Variants in TMIGD3 observed in about 807,000 individuals in gnomAD.
The protein encoded by TMIGD3 is AD026 protein (AD026).
A neutral mutation model predicts 28.1 loss-of-function variants in TMIGD3; 21 were observed. The ratio of observed to expected loss-of-function variants is 0.75; its 90% CI spans 0.53 to 1.08. The LOEUF (loss-of-function observed/expected upper bound fraction) is 1.08, where lower values mean the gene tolerates loss of function less well. Ranked by LOEUF, TMIGD3 falls within the 50% of genes least tolerant of loss-of-function variation. TMIGD3 has a pLI of 0.00. For synonymous variants in TMIGD3, 151 were observed against 162.1 expected, an observed-to-expected ratio of 0.93 and a Z score of 0.52; for missense variants, 416 against 435.6, an observed-to-expected ratio of 0.96 and a Z score of 0.40.
intron 1 of TMIGD3, chr1:111,500,033 T>C (rs1434703807): frequency 6.2e-7 from 1 of 1,614,200 alleles, no homozygotes; most frequent in Non-Finnish European, 8.5e-7. Flanking sequence ...AAAAGGTAGG[T>C]TTCCTTGAAC....
At chr1:111,525,963 T>C (rs1389982277) in intron 1 of TMIGD3, among the ~76,000 whole-genome samples, 1 of 152,252 alleles carries the variant, frequency 6.6e-6, no homozygotes, top group African/African-American at 2.4e-5. Flanking sequence ...GCCTTTTAAT[T>C]AGATTTAATG....
intron 1 of TMIGD3, among the ~76,000 whole-genome samples, chr1:111,535,302 A>G (rs574230768): frequency 2.7e-4 from 41 of 152,360 alleles, no homozygotes; most frequent in African/African-American, 9.4e-4. Context: ...TTGAAAGAGA[A>G]ATCACAGAAA....
intron 1 of TMIGD3, among the ~76,000 whole-genome samples, chr1:111,492,762 C>T (rs995649547): frequency 2.0e-5 from 3 of 149,378 alleles, no homozygotes; most frequent in East Asian, 2.0e-4. Flanking sequence ...TGCAGTAAGC[C>T]GAGATCACGC....
chr1:111,539,712 C>T (rs1292449979), intron 1 of TMIGD3, among the ~76,000 whole-genome samples: 1 of 152,174 alleles, frequency 6.6e-6, no homozygotes, highest in Non-Finnish European at 1.5e-5. Context: ...TCAATCATAA[C>T]TTTCTGGAGA....
At chr1:111,499,541 G>T in intron 1 of TMIGD3, 2 of 1,005,080 alleles carry the variant, frequency 2.0e-6, no homozygotes, top group Non-Finnish European at 2.4e-6. Context: ...GGCATCCTCC[G>T]AGAGCAGGTT....
At chr1:111,508,965 G>A (rs1217133903) in intron 1 of TMIGD3, among the ~76,000 whole-genome samples, 2 of 152,206 alleles carry the variant, frequency 1.3e-5, no homozygotes, top group African/African-American at 2.4e-5. Context: ...CGTGGTGGCG[G>A]GCGCCTGTAA....
chr1:111,531,576 T>G (rs760935898), intron 1 of TMIGD3, among the ~76,000 whole-genome samples: 11 of 152,228 alleles, frequency 7.2e-5, no homozygotes, highest in Non-Finnish European at 1.3e-4. Flanking sequence ...TGGGTCTGCT[T>G]CTTTTTATTT....
intron 1 of TMIGD3, among the ~76,000 whole-genome samples, chr1:111,512,709 G>A (rs1271808472): frequency 2.0e-5 from 3 of 152,306 alleles, no homozygotes; most frequent in Non-Finnish European, 4.4e-5. Flanking sequence ...CACTTACAAG[G>A]TGCTTGGTAG....
intron 1 of TMIGD3, among the ~76,000 whole-genome samples, chr1:111,494,946 C>A (rs1654825345): frequency 6.6e-6 from 1 of 152,182 alleles, no homozygotes. Flanking sequence ...TAGCCATATG[C>A]AGAAGATTGA....
intron 1 of TMIGD3, among the ~76,000 whole-genome samples, chr1:111,562,514 C>T (rs992128950): frequency 1.2e-4 from 19 of 152,194 alleles, no homozygotes; most frequent in African/African-American, 4.6e-4. Flanking sequence ...AATGTGTGGT[C>T]TGAAAATGTG....
intron 1 of TMIGD3, among the ~76,000 whole-genome samples, chr1:111,494,646 A>C (rs1374986709): frequency 6.6e-6 from 1 of 152,078 alleles, no homozygotes; most frequent in Non-Finnish European, 1.5e-5. Flanking sequence ...TCAAACTACC[A>C]ATGAAATTGA....
chr1:111,484,664 C>A (rs186156544), intron 5 of TMIGD3, among the ~76,000 whole-genome samples: 1 of 152,176 alleles, frequency 6.6e-6, no homozygotes, highest in African/African-American at 2.4e-5. Flanking sequence ...GGCCTTGAAG[C>A]CTTTGCTTTG....
At chr1:111,550,788 C>G (rs191403566) in intron 1 of TMIGD3, among the ~76,000 whole-genome samples, 1 of 152,202 alleles carries the variant, frequency 6.6e-6, no homozygotes, top group African/African-American at 2.4e-5. Flanking sequence ...TGCCACCACA[C>G]CCAGCCCAAT....
At position 111,483,744 on chromosome 1, in the gene TMIGD3, C is replaced by T; in HGVS notation, c.987G>A (p.Leu329=). The T allele has an allele frequency of 6.2e-7, 1 of 1,613,952 alleles. No homozygotes were observed. Residue 329 remains leucine, a synonymous_variant, in exon 6 of 6, where the codon TTG becomes TTA. Coordinates refer to ENST00000369716, the MANE Select transcript of TMIGD3 (RefSeq NM_020683.7). ...SQRNRRVGNT[L]KPFSRVLTPK... ...GAGTCAGGACACGCGAGAAGGGCTTCAAAGTGTTGCCTACTTTGTTGGGGA... is the reference window on the plus strand; with the variant it reads ...GAGTCAGGACACGCGAGAAGGGCTTTAAAGTGTTGCCTACTTTGTTGGGGA...
At chr1:111,504,723 A>G (rs10857887), upstream of TMIGD3, 183,262 of 255,360 alleles carry the variant, frequency 0.72, 65,983 homozygotes, top group Middle Eastern at 0.8. Context: ...CAAACACTTC[A>G]GAGTGGGGCA....
chr1:111,502,277 C>T lies in TMIGD3; in HGVS notation c.350+728G>A, dbSNP rs12136686. ...ATAATAAATATATAGGATATATATT[C>T]ATTATAATAAATATATAGGATATAT... On this transcript the variant is annotated intron_variant, in intron 1 of 5. Coordinates refer to ENST00000369716, the MANE Select transcript of TMIGD3 (RefSeq NM_020683.7). Among the ~76,000 whole-genome samples the T allele has an allele frequency of 1.8e-3, 79 of 44,252 alleles. 14 individuals are homozygous for T. The highest frequency in any genetic ancestry group is 6.0e-3 in the South Asian group (9 of 1,490). The allele number at this position is 44,252 out of a possible 152,430, so 29.0% of individuals were successfully genotyped here.
chr1:111,525,271 A>T (rs1656224290), intron 1 of TMIGD3, among the ~76,000 whole-genome samples: 1 of 152,180 alleles, frequency 6.6e-6, no homozygotes, highest in Admixed American at 6.5e-5. Flanking sequence ...AGGATTTAAA[A>T]TTTTGACTAT....
intron 1 of TMIGD3, among the ~76,000 whole-genome samples, chr1:111,495,219 C>G (rs752894184): frequency 2.6e-5 from 4 of 152,144 alleles, no homozygotes; most frequent in Non-Finnish European, 5.9e-5. Context: ...AACTATTCAT[C>G]TGACAAAGGT....
intron 1 of TMIGD3, among the ~76,000 whole-genome samples, chr1:111,557,636 C>G (rs980141097): frequency 2.0e-4 from 31 of 151,818 alleles, no homozygotes; most frequent in African/African-American, 7.0e-4. Flanking sequence ...CCCAAATGAA[C>G]TTCTAATGAA....
Sources: gnomAD v4.1 joint callset for allele counts (sites outside exome capture counted in the v4.1 genomes callset) on GRCh38, gnomAD v4.1.1 for gene constraint, MANE v1.5 for transcripts, NCBI Gene and HGNC (gene_info 2026-07-23, HGNC 2026-07-21) for gene names.